Variants in ZFP42 observed in about 807,000 individuals in gnomAD.
The protein encoded by ZFP42 is zinc finger protein 42 homolog.
For missense variants in ZFP42, 438 were observed against 377.1 expected, an observed-to-expected ratio of 1.16 and a Z score of -1.34; for synonymous variants, 175 against 144.6, an observed-to-expected ratio of 1.21 and a Z score of -1.51.
intron 3 of ZFP42, among the ~76,000 whole-genome samples, chr4:188,002,172 G>A (rs554298366): frequency 2.0e-5 from 3 of 152,070 alleles, no homozygotes; most frequent in Admixed American, 6.5e-5. Context: ...GTGAGACTCC[G>A]TCTCCAAAAA....
At chr4:188,001,524 A>T (rs73019320) in intron 3 of ZFP42, among the ~76,000 whole-genome samples, 16,155 of 152,154 alleles carry the variant, frequency 0.11, 1,049 homozygotes, top group South Asian at 0.26. Flanking sequence ...TTTTAGAACA[A>T]TGAGTGGGCA....
intron 1 of ZFP42, among the ~76,000 whole-genome samples, chr4:187,998,255 G>C (rs1579116612): frequency 6.6e-6 from 1 of 150,948 alleles, no homozygotes; most frequent in Non-Finnish European, 1.5e-5. Flanking sequence ...AGAATCGGCT[G>C]AACCTGGGAG....
chr4:188,002,832 G>A lies in ZFP42; in HGVS notation c.25G>A (p.Ala9Thr). 1 of 1,614,116 alleles carries A rather than the reference G, an allele frequency of 6.2e-7. No individual in the cohort carries two copies. The highest frequency in any genetic ancestry group is 8.5e-7 in the Non-Finnish European group (1 of 1,180,004). ...CATGAGCCAGCAACTGAAGAAACGG[G>A]CAAAGACAAGACACCAGAAAGGCCT... Reference protein sequence around the residue: MSQQLKKRAKTRHQKGLGG... With the variant: MSQQLKKRTKTRHQKGLGG... Residue 9 changes from alanine to threonine, a missense_variant, in exon 4 of 4, where the codon GCA (alanine) becomes ACA (threonine). Transcript: ENST00000326866.
At position 188,002,839 on chromosome 4, in the gene ZFP42, C is replaced by G; in HGVS notation, c.32C>G (p.Thr11Arg). 1 of 1,614,136 alleles carries G rather than the reference C, an allele frequency of 6.2e-7. No homozygotes were observed. The highest frequency in any genetic ancestry group is 1.1e-5 in the South Asian group (1 of 91,078). Residue 11 changes from threonine to arginine, a missense_variant, in exon 4 of 4, where the codon ACA (threonine) becomes AGA (arginine). Transcript: ENST00000326866. Reference protein sequence around the residue: MSQQLKKRAKTRHQKGLGGRA... With the variant: MSQQLKKRAKRRHQKGLGGRA... ...CAGCAACTGAAGAAACGGGCAAAGA[C>G]AAGACACCAGAAAGGCCTGGGTGGA...
chr4:188,003,609 A>G lies in ZFP42; in HGVS notation c.802A>G (p.Ile268Val), dbSNP rs773070341. Reference sequence around the variant, plus strand: ...CTTTAATTTGCGTACGCACGTGCGCATCCACACGGGGGAGAAACGTTTCGT... The same window carrying G: ...CTTTAATTTGCGTACGCACGTGCGCGTCCACACGGGGGAGAAACGTTTCGT... ...LDFNLRTHVR[I>V]HTGEKRFVCP... Residue 268 changes from isoleucine (I) to valine (V), a missense_variant, in exon 4 of 4, where the codon ATC (isoleucine) becomes GTC (valine). Coordinates refer to ENST00000326866, the MANE Select transcript of ZFP42 (RefSeq NM_174900.5). 6.2e-7 allele frequency: 1 copy of G among 1,613,540 alleles called. No individual in the cohort carries two copies. The highest frequency in any genetic ancestry group is 8.5e-7 in the Non-Finnish European group (1 of 1,180,038).
intron 3 of ZFP42, 114 bp downstream of exon 3, chr4:187,999,799 C>A (rs2111179430): frequency 6.6e-6 from 1 of 152,340 alleles, no homozygotes; most frequent in South Asian, 2.1e-4. Context: ...GGAAGCCTGC[C>A]TGAAGAGGTG....
chr4:188,002,734 C>T lies in ZFP42; in HGVS notation c.-74C>T. ...GCAGGTGTTTGCTGAAGACAGCTTA[C>T]TCAGATCACTACTGCCTGGAGGTGG... On this transcript the variant is annotated 5_prime_UTR_variant, in exon 4 of 4. Transcript: ENST00000326866. 7.8e-7 allele frequency: 1 copy of T among 1,286,318 alleles called. No individual in the cohort carries two copies. The highest frequency in any genetic ancestry group is 1.1e-6 in the Non-Finnish European group (1 of 912,366). 79.7% of individuals were successfully genotyped at this position (1,286,318 alleles called of 1,614,324 possible).
chr4:188,000,953 G>T (rs1486285583), intron 3 of ZFP42, among the ~76,000 whole-genome samples: 3 of 152,026 alleles, frequency 2.0e-5, no homozygotes, highest in African/African-American at 7.2e-5. Flanking sequence ...CTGAGATTGC[G>T]CCATTGTACT....
chr4:188,003,215 T>G lies in ZFP42; in HGVS notation c.408T>G (p.Val136=). 2 of 1,613,872 alleles carry G rather than the reference T, an allele frequency of 1.2e-6. No homozygotes were observed. Among genetic ancestry groups the G allele is most frequent in the South Asian group, 2.2e-5 (2 of 91,070 alleles). ...AGAAAGAGCTTCCACAAAAGATAGT[T>G]GGAGAGAATTCGCTTGAGTATTCTG... ...GVKKELPQKI[V]GENSLEYSEY... is the part of the protein sequence containing the mutation. Residue 136 remains valine, a synonymous_variant, in exon 4 of 4, where the codon GTT becomes GTG. Coordinates refer to ENST00000326866, the MANE Select transcript of ZFP42 (RefSeq NM_174900.5).
rs191323000 is a variant in ZFP42, at chr4:188,001,953, C to T, written c.-95-760C>T. The stretch of plus-strand genomic sequence containing the variant: ...CAGCACTTTGGGAGGCCGAGGCAGG[C>T]GGATCACGAAGTCGGGAGCTCCAGA... On this transcript the variant is annotated intron_variant, in intron 3 of 3. Coordinates refer to ENST00000326866, the MANE Select transcript of ZFP42 (RefSeq NM_174900.5). Among the ~76,000 whole-genome samples, 248 of 152,064 alleles carry T rather than the reference C, an allele frequency of 1.6e-3. 1 individual carries two copies. Among genetic ancestry groups the T allele is most frequent in the African/African-American group, 5.8e-3 (241 of 41,480 alleles).
intron 1 of ZFP42, among the ~76,000 whole-genome samples, chr4:187,998,657 G>C (rs139558799): frequency 6.6e-6 from 1 of 152,222 alleles, no homozygotes; most frequent in Non-Finnish European, 1.5e-5. Context: ...TTGTGTTACA[G>C]TTGCCTACAG....
intron 1 of ZFP42, 45 bp downstream of exon 1, chr4:187,995,885 G>T (rs1459242190): frequency 6.6e-6 from 1 of 152,346 alleles, no homozygotes; most frequent in Non-Finnish European, 1.5e-5. Context: ...GGAGAAGGGG[G>T]TTGTGTTGCT....
intron 3 of ZFP42, among the ~76,000 whole-genome samples, chr4:188,001,294 T>C (rs1330304909): frequency 1.3e-5 from 2 of 152,176 alleles, no homozygotes; most frequent in Non-Finnish European, 1.5e-5. Context: ...TAGGGAGATC[T>C]TTTCTCAGGC....
intron 1 of ZFP42, among the ~76,000 whole-genome samples, chr4:187,997,923 A>G (rs1281425045): frequency 1.3e-5 from 2 of 152,248 alleles, no homozygotes; most frequent in Non-Finnish European, 2.9e-5. Context: ...TAAACAGACA[A>G]AATTTTACAG....
chr4:187,996,987 G>GGGAGCCTGGAGCATGGAGCATGGAGCAT (rs1553987574), intron 1 of ZFP42, among the ~76,000 whole-genome samples: 1 of 58,912 alleles, frequency 1.7e-5, no homozygotes, highest in Non-Finnish European at 3.0e-5. Flanking sequence ...CATAGCTGTA[G>GGGAGCCTGGAGCATGGAGCATGGAGCAT]GGAGCATGGA....
rs752276092 is a variant in ZFP42 at position 188,003,224 on chromosome 4, T to G, written c.417T>G (p.Asn139Lys). Residue 139 changes from asparagine (N) to lysine (K), a missense_variant, in exon 4 of 4, where the codon AAT (asparagine) becomes AAG (lysine). Physicochemically the swap from Asn to Lys is moderately conservative, Grantham distance 94. Coordinates refer to ENST00000326866, the MANE Select transcript of ZFP42 (RefSeq NM_174900.5). ...TTCCACAAAAGATAGTTGGAGAGAA[T>G]TCGCTTGAGTATTCTGAGTACATGA... ...KELPQKIVGE[N>K]SLEYSEYMTG... The G allele has an allele frequency of 6.2e-7, 1 of 1,613,964 alleles. No individual in the cohort carries two copies. The highest frequency in any genetic ancestry group is 1.1e-5 in the South Asian group (1 of 91,076).
rs1452011083 is a variant in ZFP42, at chr4:188,003,947, A to C, written c.*207A>C. 2.1e-5 allele frequency: 11 copies of C among 512,984 alleles called. No homozygotes were observed. The highest frequency in any genetic ancestry group is 3.5e-5 in the Non-Finnish European group (10 of 289,574). The allele number at this position is 512,984 out of a possible 1,614,324, so 31.8% of individuals were successfully genotyped here. ...TTTTCTTTTATTTGTTTTATTTAGA[A>C]CTTTTTTTATTTGTTTTATTTAGAA... On this transcript the variant is annotated 3_prime_UTR_variant, in exon 4 of 4. Transcript: ENST00000326866.
At position 188,003,450 on chromosome 4, in the gene ZFP42, C is replaced by G. The variant is rs761376035; in HGVS notation, c.643C>G (p.Arg215Gly). The G allele has an allele frequency of 6.2e-7, 1 of 1,613,938 alleles. No individual in the cohort carries two copies. The highest frequency in any genetic ancestry group is 8.5e-7 in the Non-Finnish European group (1 of 1,180,044). ...LRKHLLIHGP[R>G]DHVCAECGKA... is the part of the protein sequence containing the mutation. ...AAAGCATCTCCTCATTCATGGTCCC[C>G]GAGACCACGTCTGTGCGGAATGTGG... is the stretch of plus-strand genomic sequence containing the variant. Residue 215 changes from arginine (R) to glycine (G), a missense_variant, in exon 4 of 4, where the codon CGA becomes GGA. Physicochemically the swap from Arg to Gly is moderately radical, Grantham distance 125. Coordinates refer to ENST00000326866, the MANE Select transcript of ZFP42 (RefSeq NM_174900.5).
chr4:188,000,259 T>A (rs1395191118), intron 3 of ZFP42, among the ~76,000 whole-genome samples: 1 of 152,184 alleles, frequency 6.6e-6, no homozygotes, highest in Non-Finnish European at 1.5e-5. Flanking sequence ...CACAAGCTGT[T>A]TTTTAAATGG....
Sources: gnomAD v4.1 joint callset for allele counts (sites outside exome capture counted in the v4.1 genomes callset) on GRCh38, gnomAD v4.1.1 for gene constraint, MANE v1.5 for transcripts, NCBI Gene and HGNC (gene_info 2026-07-23, HGNC 2026-07-21) for gene names.